TEX11: variants seen among roughly 807,000 people sequenced by gnomAD.
The protein encoded by TEX11 is testis-expressed protein 11.
In TEX11, 7 loss-of-function variants were observed where a neutral mutation model predicts 84.4. The ratio of observed to expected loss-of-function variants is 0.08; its 90% CI spans 0.05 to 0.16. The LOEUF is 0.16. TEX11 is among the 10% of genes least tolerant of loss of function. TEX11 has a pLI of 1.00. For missense variants in TEX11, 551 were observed against 660.5 expected (o/e 0.83, Z 1.82); for synonymous variants, 264 against 222.8 (o/e 1.18, Z -1.64).
At chrX:70,584,853 G>A (rs140703780) in intron 25 of TEX11, among the ~76,000 whole-genome samples, 3 of 111,391 alleles carry the variant, frequency 2.7e-5, no homozygotes, top group African/African-American at 6.5e-5. Context: ...AGATAAACTA[G>A]GAATGGAAGG....
At chrX:70,642,290 C>A (rs1018238497) in intron 17 of TEX11, among the ~76,000 whole-genome samples, 1 of 111,288 alleles carries the variant, frequency 9.0e-6, no homozygotes, top group African/African-American at 3.3e-5. Context: ...GCTTACCAAC[C>A]AAAAAGAATC....
At chrX:70,708,928 TA>T (rs199631813) in intron 13 of TEX11, among the ~76,000 whole-genome samples, 7,554 of 93,587 alleles carry the variant, frequency 0.081, 660 homozygotes, top group African/African-American at 0.24. Flanking sequence ...TTGAAATAAT[TA>T]AAAAAAAAAA....
intron 9 of TEX11, among the ~76,000 whole-genome samples, chrX:70,788,343 G>C (rs1030045473): frequency 8.1e-5 from 9 of 110,479 alleles, no homozygotes. Flanking sequence ...AGAATAGAGA[G>C]CCCAGAAATG....
chrX:70,789,314 C>T (rs950289993), intron 9 of TEX11, among the ~76,000 whole-genome samples: 1 of 111,965 alleles, frequency 8.9e-6, no homozygotes, highest in Non-Finnish European at 1.9e-5. Context: ...ACAGTGAGGG[C>T]AGGTGTGGTG....
chrX:70,753,914 C>T (rs901401575), intron 9 of TEX11, among the ~76,000 whole-genome samples: 4 of 111,072 alleles, frequency 3.6e-5, no homozygotes, highest in African/African-American at 1.3e-4. Context: ...ACCAAAGAGC[C>T]CTTGGGCCCT....
At chrX:70,792,198 G>A (rs1269018426) in intron 9 of TEX11, among the ~76,000 whole-genome samples, 1 of 89,222 alleles carries the variant, frequency 1.1e-5, no homozygotes, top group African/African-American at 4.1e-5. Flanking sequence ...TGAGGCAGGA[G>A]AATCGCTTTA....
Position 70,733,684 on chromosome X carries a change from G to A in TEX11, c.843+7017C>T, listed in dbSNP as rs12861226. On this transcript the variant is annotated intron_variant, in intron 11 of 29. Transcript: ENST00000374333. ...TGCTGGTGAGGATGTGAAAAAATAG[G>A]AACACTTTTACACTACTGGTCGGAC... Among the ~76,000 whole-genome samples the A allele has an allele frequency of 8.0e-3, 892 of 111,530 alleles. 9 individuals carry two copies. Among genetic ancestry groups the A allele is most frequent in the Non-Finnish European group, 0.012 (611 of 53,065 alleles).
intron 5 of TEX11, among the ~76,000 whole-genome samples, chrX:70,854,396 C>T (rs1027449099): frequency 9.1e-6 from 1 of 110,087 alleles, no homozygotes; most frequent in African/African-American, 3.3e-5. Flanking sequence ...AGATAAACTC[C>T]AAATTTGATT....
Position 70,744,734 on chromosome X carries a change from G to A in TEX11, c.693-515C>T, listed in dbSNP as rs765345559. 2.7e-5 allele frequency among the ~76,000 whole-genome samples: 3 copies of A among 110,019 alleles called. No homozygotes were observed. The South Asian group carries it at 1.1e-3, about 42-fold the overall frequency. On this transcript the variant is annotated intron_variant, in intron 9 of 29. Transcript: ENST00000374333. Reference sequence around the variant, plus strand: ...TGATTTACTTAGTTATTTTCGAGATGGAGTCTCATTCTGTCACCCAGGCTG... The same window carrying A: ...TGATTTACTTAGTTATTTTCGAGATAGAGTCTCATTCTGTCACCCAGGCTG...
chrX:70,783,783 T>C (rs1344591147), intron 9 of TEX11, among the ~76,000 whole-genome samples: 1 of 111,388 alleles, frequency 9.0e-6, no homozygotes, highest in Non-Finnish European at 1.9e-5. Context: ...CAGGAAGAAG[T>C]TGAATCTCCG....
At chrX:70,641,415 G>A (rs1255493547) in intron 17 of TEX11, among the ~76,000 whole-genome samples, 1 of 110,245 alleles carries the variant, frequency 9.1e-6, no homozygotes, top group African/African-American at 3.3e-5. Context: ...GCACCAAGAG[G>A]ACCTAATAGA....
chrX:70,840,018 G>A (rs189739169), intron 7 of TEX11, among the ~76,000 whole-genome samples: 8 of 112,105 alleles, frequency 7.1e-5, no homozygotes, highest in Non-Finnish European at 1.1e-4. Flanking sequence ...GTAGCTGAAA[G>A]TGATGGGGAG....
intron 8 of TEX11, among the ~76,000 whole-genome samples, chrX:70,819,415 T>C (rs528151403): frequency 8.3e-4 from 92 of 111,054 alleles, no homozygotes; most frequent in Middle Eastern, 4.6e-3. Flanking sequence ...CTCAACAAAA[T>C]AGGTATACGA....
chrX:70,821,790 T>C (rs1017332890), intron 8 of TEX11, among the ~76,000 whole-genome samples: 8 of 112,065 alleles, frequency 7.1e-5, no homozygotes, highest in African/African-American at 2.6e-4. Flanking sequence ...CATTGAGGAA[T>C]GGAGAAAAGG....
chrX:70,564,385 T>C (rs936947606), intron 25 of TEX11, among the ~76,000 whole-genome samples: 3 of 111,725 alleles, frequency 2.7e-5, no homozygotes, highest in Non-Finnish European at 5.6e-5. Flanking sequence ...GAGATTGATA[T>C]TATTTCTTTC....
intron 13 of TEX11, among the ~76,000 whole-genome samples, chrX:70,703,851 C>T (rs1406480945): frequency 8.9e-6 from 1 of 111,968 alleles, no homozygotes; most frequent in African/African-American, 3.2e-5. Context: ...CCACTACTTA[C>T]TAGCTCTGTG....
chrX:70,788,963 TATATATATATAGAGAGAGAGAG>T (rs1329093891), intron 9 of TEX11, among the ~76,000 whole-genome samples: 439 of 43,662 alleles, frequency 0.01, no homozygotes, highest in Non-Finnish European at 0.013. Flanking sequence ...TATATATATA[TATATATATATAGAGAGAGAGAG>T]AGAGAGAGAG....
At chrX:70,853,214 T>A (rs201123250) in intron 6 of TEX11, 34 bp downstream of exon 6, 1 of 1,204,470 alleles carries the variant, frequency 8.3e-7, no homozygotes, top group African/African-American at 1.7e-5. Context: ...TTACTACTAA[T>A]AATTGCCTCA....
At chrX:70,838,436 T>C (rs2091418693) in intron 7 of TEX11, among the ~76,000 whole-genome samples, 1 of 111,677 alleles carries the variant, frequency 9.0e-6, no homozygotes, top group Non-Finnish European at 1.9e-5. Flanking sequence ...ACAAATAAAA[T>C]AAAATAAAAT....
Sources: allele counts gnomAD v4.1 joint callset (sites outside exome capture counted in the v4.1 genomes callset), GRCh38; gene constraint gnomAD v4.1.1; transcripts MANE v1.5; gene names NCBI Gene and HGNC (gene_info 2026-07-23, HGNC 2026-07-21).